The following BARD1 variants were observed in gnomAD, a reference collection of about 807,000 sequenced individuals.
BARD1 encodes BRCA1-associated RING domain protein 1.
BARD1 carries 73 observed loss-of-function variants against 77.0 expected under a neutral mutation model. That is an observed-to-expected ratio of 0.95 (90% CI 0.79 to 1.15). BARD1 has a LOEUF of 1.15. Among genes scored for constraint, BARD1 ranks in the 50% most tolerant of loss-of-function variants. The pLI is 0.00. For missense variants in BARD1, 993 were observed against 938.8 expected (o/e 1.06, Z -0.75); for synonymous variants, 384 against 338.0 (o/e 1.14, Z -1.49).
intron 9 of BARD1, among the ~76,000 whole-genome samples, chr2:214,739,242 C>CT (rs200649305): frequency 2.9e-4 from 43 of 150,480 alleles, no homozygotes; most frequent in African/African-American, 9.8e-4. Flanking sequence ...ACAAAATATC[C>CT]TAAAAAAAAA....
At chr2:214,745,639 G>C in intron 8 of BARD1, 83 bp downstream of exon 8, 1 of 1,528,520 alleles carries the variant, frequency 6.5e-7, no homozygotes, top group Admixed American at 1.7e-5. Context: ...TAAAACATAT[G>C]TAAATTATCA....
intron 3 of BARD1, among the ~76,000 whole-genome samples, chr2:214,786,244 T>C (rs755373964): frequency 6.0e-5 from 9 of 150,914 alleles, no homozygotes; most frequent in African/African-American, 1.7e-4. Flanking sequence ...AGATACAACA[T>C]TATTTTCATT....
chr2:214,773,684 A>T (rs911567370), intron 4 of BARD1, among the ~76,000 whole-genome samples: 1 of 152,224 alleles, frequency 6.6e-6, no homozygotes, highest in Non-Finnish European at 1.5e-5. Context: ...TTGCTAAAAA[A>T]TGGTGACAAT....
At chr2:214,792,146 T>C (rs1363443190) in intron 3 of BARD1, 151 bp downstream of exon 3, 6 of 771,546 alleles carry the variant, frequency 7.8e-6, no homozygotes, top group African/African-American at 7.5e-5. Flanking sequence ...ACTCAATGGC[T>C]ATTTAAAAAA....
rs756982765 is a variant in BARD1, at chr2:214,769,214, T to C, written c.1395+18A>G. ...CTGTAAAACACAGAAAGAATGAGAATAAAAACCAGACAACTACCAATGGTG... is the reference window on the plus strand; with the variant it reads ...CTGTAAAACACAGAAAGAATGAGAACAAAAACCAGACAACTACCAATGGTG... On this transcript the variant is annotated intron_variant, in intron 5 of 10. Coordinates refer to ENST00000260947, the MANE Select transcript of BARD1 (RefSeq NM_000465.4). 3 of 1,596,992 alleles carry C rather than the reference T, an allele frequency of 1.9e-6. No individual in the cohort carries two copies. The highest frequency in any genetic ancestry group is 2.2e-5 in the South Asian group (2 of 90,700).
intron 1 of BARD1, among the ~76,000 whole-genome samples, chr2:214,808,265 C>T (rs762410864): frequency 6.6e-6 from 1 of 152,078 alleles, no homozygotes; most frequent in Non-Finnish European, 1.5e-5. Flanking sequence ...AAAAATTAGC[C>T]GGGCATGATG....
chr2:214,768,256 GCTGTATTCTAATAAATCT>G (rs1232696038), intron 5 of BARD1, among the ~76,000 whole-genome samples: 1 of 151,300 alleles, frequency 6.6e-6, no homozygotes, highest in Admixed American at 6.6e-5. Flanking sequence ...TATAAACAAT[GCTGTATTCTAATAAATCT>G]CTGGCATTCT....
intron 3 of BARD1, among the ~76,000 whole-genome samples, chr2:214,789,986 C>T (rs1248936277): frequency 6.6e-6 from 1 of 152,022 alleles, no homozygotes; most frequent in Admixed American, 6.6e-5. Context: ...TGAGAAAGAC[C>T]GCATTCTTAA....
At chr2:214,786,519 A>G (rs1695284670) in intron 3 of BARD1, among the ~76,000 whole-genome samples, 1 of 151,994 alleles carries the variant, frequency 6.6e-6, no homozygotes, top group Non-Finnish European at 1.5e-5. Context: ...TATCTTCAAA[A>G]ATATATTTAC....
chr2:214,734,656 T>C (rs904782658), intron 9 of BARD1, among the ~76,000 whole-genome samples: 1 of 152,166 alleles, frequency 6.6e-6, no homozygotes, highest in Non-Finnish European at 1.5e-5. Flanking sequence ...TCATAAATCA[T>C]AAGGCCTAAC....
At chr2:214,786,699 T>C (rs1469207143) in intron 3 of BARD1, among the ~76,000 whole-genome samples, 2 of 151,930 alleles carry the variant, frequency 1.3e-5, no homozygotes, top group Non-Finnish European at 2.9e-5. Context: ...ATGGAAGCAC[T>C]ACACTGAAAA....
chr2:214,763,297 A>G (rs924657574), intron 6 of BARD1, among the ~76,000 whole-genome samples: 1 of 152,124 alleles, frequency 6.6e-6, no homozygotes, highest in Non-Finnish European at 1.5e-5. Context: ...TACTACTGTG[A>G]GCACCGTGCT....
intron 5 of BARD1, among the ~76,000 whole-genome samples, chr2:214,768,287 A>G (rs1225218758): frequency 7.7e-6 from 1 of 129,068 alleles, no homozygotes. Flanking sequence ...GGCATTCTAT[A>G]CTTTTTAAGT....
chr2:214,731,303 C>A (rs1188748721), intron 9 of BARD1, among the ~76,000 whole-genome samples: 1 of 152,156 alleles, frequency 6.6e-6, no homozygotes, highest in Non-Finnish European at 1.5e-5. Context: ...GCAGCCAGTA[C>A]CAATTGTCTC....
At chr2:214,747,110 C>CGAT (rs1693159107) in intron 7 of BARD1, among the ~76,000 whole-genome samples, 1 of 151,702 alleles carries the variant, frequency 6.6e-6, no homozygotes, top group Non-Finnish European at 1.5e-5. Flanking sequence ...AAAAAATGCT[C>CGAT]ATCATCACTG....
chr2:214,744,918 A>T, intron 9 of BARD1, 149 bp downstream of exon 9: 1 of 741,114 alleles, frequency 1.3e-6, no homozygotes, highest in East Asian at 2.8e-5. Flanking sequence ...GGCTTGAGCC[A>T]CCACGCCCAG....
chr2:214,781,424 T>A lies in BARD1; in HGVS notation c.450A>T (p.Arg150=). ...KNSIKMWFSP[R]SKKVRYVVSK... ...TCACAACATATCTGACTTTCTTACTTCGAGGGCTAAACCACATTTTAATTG... is the reference window on the plus strand; with the variant it reads ...TCACAACATATCTGACTTTCTTACTACGAGGGCTAAACCACATTTTAATTG... Residue 150 remains arginine (R), a synonymous_variant, in exon 4 of 11, where the codon CGA becomes CGT. Coordinates refer to ENST00000260947, the MANE Select transcript of BARD1 (RefSeq NM_000465.4). 1 of 1,613,586 alleles carries A rather than the reference T, an allele frequency of 6.2e-7. No individual in the cohort carries two copies. The highest frequency in any genetic ancestry group is 8.5e-7 in the Non-Finnish European group (1 of 1,179,882).
chr2:214,809,541 CG>C lies in BARD1; in HGVS notation c.28del (p.Arg10GlyfsTer48). 1 of 1,574,328 alleles carries C rather than the reference CG, an allele frequency of 6.4e-7. No individual in the cohort carries two copies. The highest frequency in any genetic ancestry group is 8.6e-7 in the Non-Finnish European group (1 of 1,162,348). ...GTTCCCGGAGCGGATCCTCGGCTGC[CG>C]GTTCCTCGGCTGCCGATTATCCGGC... MPDNRQPRN[R>X]QPRIRSGNEP... On this transcript the variant is annotated frameshift_variant, in exon 1 of 11. Coordinates refer to ENST00000260947, the MANE Select transcript of BARD1 (RefSeq NM_000465.4). LOFTEE classifies it high-confidence loss of function.
intron 9 of BARD1, among the ~76,000 whole-genome samples, chr2:214,734,386 C>A (rs1228495018): frequency 6.6e-6 from 1 of 152,064 alleles, no homozygotes; most frequent in Non-Finnish European, 1.5e-5. Flanking sequence ...TGTTACTTCT[C>A]TGGGTTTAAA....
Sources: allele counts gnomAD v4.1 joint callset (sites outside exome capture counted in the v4.1 genomes callset), GRCh38; gene constraint gnomAD v4.1.1; transcripts MANE v1.5; gene names NCBI Gene and HGNC (gene_info 2026-07-23, HGNC 2026-07-21).